The following JAKMIP1 variants were observed in gnomAD, a reference collection of about 807,000 sequenced individuals.
JAKMIP1 encodes janus kinase and microtubule-interacting protein 1.
In JAKMIP1, 33 loss-of-function variants were observed where a neutral mutation model predicts 113.0. The observed-to-expected ratio is 0.29, with a 90% CI of 0.22 to 0.39. The LOEUF (loss-of-function observed/expected upper bound fraction) is 0.39. Among genes scored for constraint, JAKMIP1 ranks in the 10% least tolerant of loss-of-function variants. JAKMIP1 has a pLI of 1.00. For synonymous variants in JAKMIP1, 480 were observed against 459.9 expected, an observed-to-expected ratio of 1.04 and a Z score of -0.56; for missense variants, 813 against 1,080.5, an observed-to-expected ratio of 0.75 and a Z score of 3.47.
Position 6,081,012 on chromosome 4 carries a change from C to CACACA in JAKMIP1, c.1101+596_1101+597insTGTGT, listed in dbSNP as rs1720448958. On this transcript the variant is annotated intron_variant, in intron 6 of 20. Transcript: ENST00000409021. This position sits in a 1 kb window ranked among gnomAD's most constrained non-coding sequence, Gnocchi z 4.6. ...ACACACACACACACACACACACACA[C>CACACA]ACCTGCATCTGCTACAGTGCAGACA... Among the ~76,000 whole-genome samples, 1 of 151,928 alleles carries CACACA rather than the reference C, an allele frequency of 6.6e-6. No individual in the cohort carries two copies. Among genetic ancestry groups the CACACA allele is most frequent in the African/African-American group, 2.4e-5 (1 of 41,354 alleles).
At chr4:6,163,113 G>A (rs1379622021) in intron 1 of JAKMIP1, among the ~76,000 whole-genome samples, 1 of 152,236 alleles carries the variant, frequency 6.6e-6, no homozygotes, top group Non-Finnish European at 1.5e-5. Context: ...AGGCTCCCAT[G>A]ATGGAGGCTG....
chr4:6,066,688 C>A (rs1343633083), intron 8 of JAKMIP1, among the ~76,000 whole-genome samples: 3 of 151,588 alleles, frequency 2.0e-5, no homozygotes, highest in African/African-American at 7.3e-5. Context: ...TGGGAGAAAC[C>A]CTGTTGTCTT....
rs1721583537 is a variant in JAKMIP1, at chr4:6,088,285, T to A, written c.625-2656A>T. On this transcript the variant is annotated intron_variant, in intron 3 of 20. Transcript: ENST00000409021. The surrounding 1 kb of genome is among the most constrained non-coding windows in gnomAD (Gnocchi z 5.5). ...GTGCTATGAGGGGGAAAAAAAACAA[T>A]AACAACATCAAAGCAAAGGAAATCG... Among the ~76,000 whole-genome samples, 1 of 151,928 alleles carries A rather than the reference T, an allele frequency of 6.6e-6. No individual in the cohort carries two copies. The highest frequency in any genetic ancestry group is 6.6e-5 in the Admixed American group (1 of 15,260).
intron 3 of JAKMIP1, among the ~76,000 whole-genome samples, chr4:6,096,455 A>C (rs569211865): frequency 6.6e-6 from 1 of 151,916 alleles, no homozygotes; most frequent in East Asian, 1.9e-4. Flanking sequence ...CTATATCTTC[A>C]CTCTCCATTT....
In JAKMIP1 at chr4:6,154,182, C is replaced by A. The variant is rs1229131960; in HGVS notation, c.-147-41185G>T. Among the ~76,000 whole-genome samples the A allele has an allele frequency of 1.3e-5, 2 of 152,204 alleles. No homozygotes were observed. The highest frequency in any genetic ancestry group is 2.9e-5 in the Non-Finnish European group (2 of 68,032). On this transcript the variant is annotated intron_variant, in intron 1 of 20. Transcript: ENST00000409021. This position sits in a 1 kb window ranked among gnomAD's most constrained non-coding sequence, Gnocchi z 4.2. ...ACACTGACCCTCGCAGGAGGGAAGACAGAGCGGAGCTGGACACAGGCGGAG... is the reference window on the plus strand; with the variant it reads ...ACACTGACCCTCGCAGGAGGGAAGAAAGAGCGGAGCTGGACACAGGCGGAG...
chr4:6,154,935 G>A lies in JAKMIP1; in HGVS notation c.-147-41938C>T. 6.6e-6 allele frequency among the ~76,000 whole-genome samples: 1 copy of A among 152,160 alleles called. No homozygotes were observed. The highest frequency in any genetic ancestry group is 1.9e-4 in the East Asian group (1 of 5,184). ...CCACAAACCAACACAGAGCACGCAG[G>A]GAAAGGTGCGGGGTAGGGTGGGGGG... On this transcript the variant is annotated intron_variant, in intron 1 of 20. Coordinates refer to ENST00000409021, the MANE Select transcript of JAKMIP1 (RefSeq NM_001099433.2). The surrounding 1 kb of genome is among the most constrained non-coding windows in gnomAD (Gnocchi z 4.2).
At chr4:6,151,703 T>C (rs1057222881) in intron 1 of JAKMIP1, among the ~76,000 whole-genome samples, 1 of 152,024 alleles carries the variant, frequency 6.6e-6, no homozygotes, top group Non-Finnish European at 1.5e-5. Flanking sequence ...AAACTTAGAG[T>C]TGAAGGTGGA....
chr4:6,169,659 G>A (rs116377343), intron 1 of JAKMIP1, among the ~76,000 whole-genome samples: 171 of 148,780 alleles, frequency 1.1e-3, no homozygotes, highest in African/African-American at 3.9e-3. Context: ...TTCAGATGAC[G>A]AAACTGCTGA....
At chr4:6,092,253 T>C (rs1722159313) in intron 3 of JAKMIP1, among the ~76,000 whole-genome samples, 1 of 151,790 alleles carries the variant, frequency 6.6e-6, no homozygotes, top group Admixed American at 6.6e-5. Flanking sequence ...AGAGGAGCCC[T>C]GTACTGTCAG....
chr4:6,125,982 A>AAC (rs1211314152), intron 1 of JAKMIP1, among the ~76,000 whole-genome samples: 3 of 137,844 alleles, frequency 2.2e-5, no homozygotes, highest in Middle Eastern at 4.4e-3. Context: ...ACCATGCAGA[A>AAC]ACACACACAC....
At chr4:6,149,237 T>C (rs1721259297) in intron 1 of JAKMIP1, among the ~76,000 whole-genome samples, 1 of 152,144 alleles carries the variant, frequency 6.6e-6, no homozygotes, top group East Asian at 1.9e-4. Flanking sequence ...TTAATAAAAG[T>C]AAAATCACGC....
Position 6,143,583 on chromosome 4 carries a change from A to G in JAKMIP1, c.-147-30586T>C, listed in dbSNP as rs1720451195. On this transcript the variant is annotated intron_variant, in intron 1 of 20. Coordinates refer to ENST00000409021, the MANE Select transcript of JAKMIP1 (RefSeq NM_001099433.2). The surrounding 1 kb of genome is among the most constrained non-coding windows in gnomAD (Gnocchi z 4.9). ...GATAATATTTTTAAACTTTTCAGTTAATTTTGGCACCTCCCCTAGAACAGC... is the reference window on the plus strand; with the variant it reads ...GATAATATTTTTAAACTTTTCAGTTGATTTTGGCACCTCCCCTAGAACAGC... Among the ~76,000 whole-genome samples, 1 of 152,178 alleles carries G rather than the reference A, an allele frequency of 6.6e-6. No individual in the cohort carries two copies. Among genetic ancestry groups the G allele is most frequent in the Admixed American group, 6.5e-5 (1 of 15,276 alleles).
At position 6,106,132 on chromosome 4, in the gene JAKMIP1, C is replaced by T. The variant is rs911534018; in HGVS notation, c.130-165G>A. Among the ~76,000 whole-genome samples the T allele has an allele frequency of 6.6e-6, 1 of 152,178 alleles. No individual in the cohort carries two copies. Among genetic ancestry groups the T allele is most frequent in the African/African-American group, 2.4e-5 (1 of 41,446 alleles). On this transcript the variant is annotated intron_variant, in intron 2 of 20. Coordinates refer to ENST00000409021, the MANE Select transcript of JAKMIP1 (RefSeq NM_001099433.2). This position sits in a 1 kb window ranked among gnomAD's most constrained non-coding sequence, Gnocchi z 5.9. ...CTTCGGCAGTGCCCTGCAGGCCTGA[C>T]CCTCCTGCCAGCCCCACTTAGAATC...
At chr4:6,171,438 CCACCAT>C (rs1177632364) in intron 1 of JAKMIP1, among the ~76,000 whole-genome samples, 11 of 151,920 alleles carry the variant, frequency 7.2e-5, no homozygotes, top group African/African-American at 2.2e-4. Context: ...ACCACTCTCA[CCACCAT>C]CACCATCACC....
intron 8 of JAKMIP1, among the ~76,000 whole-genome samples, chr4:6,075,088 A>G (rs180934888): frequency 6.6e-6 from 1 of 152,234 alleles, no homozygotes; most frequent in South Asian, 2.1e-4. Context: ...AAGGAAAAAA[A>G]AGTCCGGGAG....
At position 6,049,538 on chromosome 4, in the gene JAKMIP1, CA is replaced by C. The variant is rs1010016145; in HGVS notation, c.1962+280del. Among the ~76,000 whole-genome samples, 35 of 152,124 alleles carry C rather than the reference CA, an allele frequency of 2.3e-4. 1 individual carries two copies. The highest frequency in any genetic ancestry group is 6.6e-4 in the Admixed American group (10 of 15,258). ...CAAAAAGATCCCTTTCTGATTTCAG[CA>C]ATCTCGTGTGACTCCACCTGCATTC... On this transcript the variant is annotated intron_variant, in intron 15 of 20. Coordinates refer to ENST00000409021, the MANE Select transcript of JAKMIP1 (RefSeq NM_001099433.2). The surrounding 1 kb of genome is among the most constrained non-coding windows in gnomAD (Gnocchi z 7.0).
At position 6,179,805 on chromosome 4, in the gene JAKMIP1, T is replaced by A. The variant is rs1010151298; in HGVS notation, c.-148+20448A>T. Among the ~76,000 whole-genome samples the A allele has an allele frequency of 2.0e-5, 3 of 152,294 alleles. No homozygotes were observed. Among genetic ancestry groups the A allele is most frequent in the Non-Finnish European group, 4.4e-5 (3 of 68,026 alleles). Reference sequence around the variant, plus strand: ...CCTCAAAGCCTCCTTGTAAAACAGGTAGCAATATTATCCCCATATGACAGA... The same window carrying A: ...CCTCAAAGCCTCCTTGTAAAACAGGAAGCAATATTATCCCCATATGACAGA... On this transcript the variant is annotated intron_variant, in intron 1 of 20. Transcript: ENST00000409021. The surrounding 1 kb of genome is among the most constrained non-coding windows in gnomAD (Gnocchi z 4.5).
intron 1 of JAKMIP1, among the ~76,000 whole-genome samples, chr4:6,123,706 A>G (rs1390251826): frequency 6.6e-6 from 1 of 152,158 alleles, no homozygotes; most frequent in Non-Finnish European, 1.5e-5. Flanking sequence ...CTGTAGTCCT[A>G]GCTACCCAGG....
At chr4:6,091,641 T>G (rs1426358751) in intron 3 of JAKMIP1, among the ~76,000 whole-genome samples, 3 of 152,212 alleles carry the variant, frequency 2.0e-5, no homozygotes, top group African/African-American at 7.2e-5. Flanking sequence ...TCCCACCATG[T>G]GATGACAGCT....
Sources: allele counts gnomAD v4.1 joint callset (sites outside exome capture counted in the v4.1 genomes callset), GRCh38; gene constraint gnomAD v4.1.1; non-coding constraint Gnocchi (gnomAD v3.1); transcripts MANE v1.5; gene names NCBI Gene and HGNC (gene_info 2026-07-23, HGNC 2026-07-21).